The following PPP2R5D variants were observed in gnomAD, a reference collection of about 807,000 sequenced individuals.
PPP2R5D encodes protein phosphatase 2 regulatory subunit B'delta.
Under a neutral mutation model 79.1 loss-of-function variants are expected in PPP2R5D, and 12 were observed. The observed-to-expected ratio is 0.15, with a 90% CI of 0.10 to 0.25. The LOEUF is 0.25. Ranked by LOEUF, PPP2R5D falls within the 10% of genes least tolerant of loss-of-function variation. The pLI is 1.00. For missense variants in PPP2R5D, 419 were observed against 760.2 expected (o/e 0.55, Z 5.28); for synonymous variants, 277 against 286.6 (o/e 0.97, Z 0.34).
chr6:42,993,071 T>C (rs1012363960), intron 2 of PPP2R5D, among the ~76,000 whole-genome samples: 3 of 150,938 alleles, frequency 2.0e-5, no homozygotes, highest in Admixed American at 2.0e-4. Flanking sequence ...CCGAGGCGGG[T>C]GGATCACCTG....
intron 2 of PPP2R5D, among the ~76,000 whole-genome samples, chr6:43,003,821 G>A (rs572480006): frequency 1.1e-4 from 17 of 151,884 alleles, no homozygotes; most frequent in African/African-American, 2.9e-4. Flanking sequence ...TGCAAGCTCC[G>A]CCTCCCGGGT....
chr6:43,006,297 C>A lies in PPP2R5D; in HGVS notation c.106-166C>A. 1 of 1,285,590 alleles carries A rather than the reference C, an allele frequency of 7.8e-7. No individual in the cohort carries two copies. The highest frequency in any genetic ancestry group is 1.0e-6 in the Non-Finnish European group (1 of 964,814). 79.6% of individuals were successfully genotyped at this position (1,285,590 alleles called of 1,614,324 possible). On this transcript the variant is annotated intron_variant, in intron 2 of 15. Coordinates refer to ENST00000485511, the MANE Select transcript of PPP2R5D (RefSeq NM_006245.4). This position sits in a 1 kb window ranked among gnomAD's most constrained non-coding sequence, Gnocchi z 4.7. ...ACTTCTTGACTGCTCCCTGCCAGGGCTACAGCACAGTTATCTCTGTAACCC... is the reference window on the plus strand; with the variant it reads ...ACTTCTTGACTGCTCCCTGCCAGGGATACAGCACAGTTATCTCTGTAACCC...
Position 43,007,805 on chromosome 6 carries a change from GCTTT to G in PPP2R5D, c.727-127_727-124del. The G allele has an allele frequency of 8.3e-7, 1 of 1,199,950 alleles. No individual in the cohort carries two copies. Among genetic ancestry groups the G allele is most frequent in the Non-Finnish European group, 1.2e-6 (1 of 837,402 alleles). The allele number at this position is 1,199,950 out of a possible 1,614,324, so 74.3% of individuals were successfully genotyped here. ...GAATCAGCAATATAATAGAATCACT[GCTTT>G]CTAAGACTTGCTGGCCCCCACTCCA... On this transcript the variant is annotated intron_variant, in intron 6 of 15. Transcript: ENST00000485511. This position sits in a 1 kb window ranked among gnomAD's most constrained non-coding sequence, Gnocchi z 4.5.
intron 2 of PPP2R5D, among the ~76,000 whole-genome samples, chr6:43,001,935 C>CAA (rs200486132): frequency 3.2e-5 from 4 of 125,646 alleles, no homozygotes; most frequent in African/African-American, 5.6e-5. Context: ...GACTCTGTCT[C>CAA]AAAAAAAAAA....
Position 43,007,231 on chromosome 6 carries a change from A to T in PPP2R5D, c.558A>T (p.Ser186=). 2 of 1,614,040 alleles carry T rather than the reference A, an allele frequency of 1.2e-6. No individual in the cohort carries two copies. Among genetic ancestry groups the T allele is most frequent in the Non-Finnish European group, 1.7e-6 (2 of 1,180,010 alleles). The part of the protein sequence containing the change: ...SVNLFRTLPP[S]SNPTGAEFDP... ...ACCTCTTCCGGACGCTGCCACCTTC[A>T]TCGAATCCCACAGGGGCTGAGTTTG... The change falls in exon 5 of 16, where the codon TCA becomes TCT. Residue 186 remains serine (S), a synonymous_variant. Transcript: ENST00000485511. This position sits in a 1 kb window ranked among gnomAD's most constrained non-coding sequence, Gnocchi z 4.5.
In PPP2R5D at chr6:43,010,277, C is replaced by T. The variant is rs1437019505; in HGVS notation, c.1380-191C>T. Among the ~76,000 whole-genome samples, 1 of 152,278 alleles carries T rather than the reference C, an allele frequency of 6.6e-6. No individual in the cohort carries two copies. Among genetic ancestry groups the T allele is most frequent in the South Asian group, 2.1e-4 (1 of 4,818 alleles). On this transcript the variant is annotated intron_variant, in intron 12 of 15. Coordinates refer to ENST00000485511, the MANE Select transcript of PPP2R5D (RefSeq NM_006245.4). The surrounding 1 kb of genome is among the most constrained non-coding windows in gnomAD (Gnocchi z 4.7). ...ACAGGTGGACCGATATTTGTGAAAA[C>T]CATGAAATGCCAGTCTCAAACCAGG...
In PPP2R5D at chr6:43,010,121, T is replaced by A. The variant is rs945100266; in HGVS notation, c.1380-347T>A. The stretch of plus-strand genomic sequence containing the variant: ...ACTTTTCTGCTAAAAGCAAGCACAC[T>A]GTGGTGTAGATGCAGTCTGTCATGC... On this transcript the variant is annotated intron_variant, in intron 12 of 15. Coordinates refer to ENST00000485511, the MANE Select transcript of PPP2R5D (RefSeq NM_006245.4). The surrounding 1 kb of genome is among the most constrained non-coding windows in gnomAD (Gnocchi z 4.7). 6.6e-6 allele frequency among the ~76,000 whole-genome samples: 1 copy of A among 152,040 alleles called. No individual in the cohort carries two copies. Among genetic ancestry groups the A allele is most frequent in the Non-Finnish European group, 1.5e-5 (1 of 68,018 alleles).
Position 43,010,682 on chromosome 6 carries a change from G to C in PPP2R5D, c.1500G>C (p.Lys500Asn), listed in dbSNP as rs1762308153. Residue 500 changes from lysine (K) to asparagine (N), a missense_variant, in exon 14 of 16, where the codon AAG becomes AAC. By Grantham distance (94) the Lys-to-Asn change is moderately conservative. Coordinates refer to ENST00000485511, the MANE Select transcript of PPP2R5D (RefSeq NM_006245.4). The surrounding 1 kb of genome is among the most constrained non-coding windows in gnomAD (Gnocchi z 4.7). ...AEKQKGRFRM[K>N]EREEMWQKIE... ...TCCTCAGGGGCCGGTTCCGAATGAA[G>C]GAAAGGGAAGAGATGTGGCAAAAAA... The C allele has an allele frequency of 6.2e-7, 1 of 1,614,060 alleles. No individual in the cohort carries two copies. The highest frequency in any genetic ancestry group is 1.7e-5 in the Admixed American group (1 of 60,022).
chr6:43,009,885 T>C lies in PPP2R5D; in HGVS notation c.1379+436T>C, dbSNP rs1243861483. ...GAGTTTGAGACCAGCCTGCCCAACA[T>C]AGTGAAACCCCCATCTCTACTAAAA... On this transcript the variant is annotated intron_variant, in intron 12 of 15. Coordinates refer to ENST00000485511, the MANE Select transcript of PPP2R5D (RefSeq NM_006245.4). This position sits in a 1 kb window ranked among gnomAD's most constrained non-coding sequence, Gnocchi z 5.6. Among the ~76,000 whole-genome samples, 1 of 151,978 alleles carries C rather than the reference T, an allele frequency of 6.6e-6. No individual in the cohort carries two copies. The highest frequency in any genetic ancestry group is 2.4e-5 in the African/African-American group (1 of 41,374).
intron 2 of PPP2R5D, among the ~76,000 whole-genome samples, chr6:43,005,336 G>A (rs1223109750): frequency 6.6e-6 from 1 of 152,012 alleles, no homozygotes; most frequent in African/African-American, 2.4e-5. Context: ...AGGCTGGAGT[G>A]CAGTTGGTGT....
chr6:42,998,332 CA>C (rs1334989472), intron 2 of PPP2R5D, among the ~76,000 whole-genome samples: 1 of 151,774 alleles, frequency 6.6e-6, no homozygotes, highest in East Asian at 1.9e-4. Flanking sequence ...CTCGGCCTCC[CA>C]AAGTTCTGGG....
Position 42,984,648 on chromosome 6 carries a change from A to C in PPP2R5D, c.-30A>C. ...AAAGCCGGAGCCGGAGCGGGGCCGC[A>C]GGAGACGGGCCGGGTCCGGACGGGC... On this transcript the variant is annotated 5_prime_UTR_variant, in exon 1 of 16. Coordinates refer to ENST00000485511, the MANE Select transcript of PPP2R5D (RefSeq NM_006245.4). 6.3e-7 allele frequency: 1 copy of C among 1,590,570 alleles called. No homozygotes were observed. Among genetic ancestry groups the C allele is most frequent in the East Asian group, 2.3e-5 (1 of 43,730 alleles).
At position 43,008,275 on chromosome 6, in the gene PPP2R5D, G is replaced by A. The variant is rs752770370; in HGVS notation, c.917+15G>A. 10 of 1,614,172 alleles carry A rather than the reference G, an allele frequency of 6.2e-6. No homozygotes were observed. In the Admixed American group the frequency reaches 1.5e-4, roughly 24 times the overall value. The stretch of plus-strand genomic sequence containing the variant: ...ATCCTGGGCAGGTGAGAGGCCGGGT[G>A]GGGGCACAGATGCCTGAAAAAGGTT... On this transcript the variant is annotated intron_variant, in intron 8 of 15. Transcript: ENST00000485511. The surrounding 1 kb of genome is among the most constrained non-coding windows in gnomAD (Gnocchi z 4.2).
intron 2 of PPP2R5D, among the ~76,000 whole-genome samples, chr6:43,002,364 C>T (rs1219810659): frequency 6.6e-6 from 1 of 152,102 alleles, no homozygotes; most frequent in Non-Finnish European, 1.5e-5. Flanking sequence ...AGGGTTTCAC[C>T]ATGTTGGCCA....
In PPP2R5D at chr6:43,006,759, A is replaced by G. The variant is rs1477912548; in HGVS notation, c.322+80A>G. 3 of 1,580,524 alleles carry G rather than the reference A, an allele frequency of 1.9e-6. No homozygotes were observed. The highest frequency in any genetic ancestry group is 1.7e-5 in the Admixed American group (1 of 58,260). The stretch of plus-strand genomic sequence containing the variant: ...GTTGGTGGAATGGAAGTTTTGGGGT[A>G]TTTTGCGGGGAAGGGAGTTCCAGAG... On this transcript the variant is annotated intron_variant, in intron 3 of 15. Coordinates refer to ENST00000485511, the MANE Select transcript of PPP2R5D (RefSeq NM_006245.4). This position sits in a 1 kb window ranked among gnomAD's most constrained non-coding sequence, Gnocchi z 4.7.
chr6:42,986,273 C>A (rs952190098), intron 1 of PPP2R5D, among the ~76,000 whole-genome samples: 1 of 152,206 alleles, frequency 6.6e-6, no homozygotes, highest in Non-Finnish European at 1.5e-5. Flanking sequence ...CCCCCAGCTT[C>A]TCCTCTCCTG....
At chr6:42,992,436 T>C (rs966937866) in intron 2 of PPP2R5D, among the ~76,000 whole-genome samples, 2 of 152,196 alleles carry the variant, frequency 1.3e-5, no homozygotes, top group South Asian at 2.1e-4. Context: ...AGAGCCTTTC[T>C]AATTGATCTA....
At chr6:42,988,163 T>A (rs1243527437) in intron 1 of PPP2R5D, among the ~76,000 whole-genome samples, 1 of 152,156 alleles carries the variant, frequency 6.6e-6, no homozygotes, top group Non-Finnish European at 1.5e-5. Flanking sequence ...AGCTCTCTTC[T>A]CCCTGAAATC....
Position 42,984,599 on chromosome 6 carries a change from C to A in PPP2R5D, c.-79C>A, listed in dbSNP as rs1244039298. 3.3e-6 allele frequency: 5 copies of A among 1,508,550 alleles called. No homozygotes were observed. The African/African-American group carries it at 4.3e-5, about 13-fold the overall frequency. 93.4% of individuals were successfully genotyped at this position (1,508,550 alleles called of 1,614,324 possible). A position where few individuals can be genotyped will look rare whatever the true frequency, so the allele number is the denominator to read the frequency against. ...CGCGCAGGCGGTGGCGAAGAGACGC[C>A]GAGCGGGCCGAGTGCGGCCGAGCAA... On this transcript the variant is annotated 5_prime_UTR_variant, in exon 1 of 16. Coordinates refer to ENST00000485511, the MANE Select transcript of PPP2R5D (RefSeq NM_006245.4).
Sources: gnomAD v4.1 joint callset for allele counts (sites outside exome capture counted in the v4.1 genomes callset) on GRCh38, gnomAD v4.1.1 for gene constraint, Gnocchi (gnomAD v3.1) non-coding constraint, MANE v1.5 for transcripts, NCBI Gene and HGNC (gene_info 2026-07-23, HGNC 2026-07-21) for gene names.